Variants in TOGARAM1 observed in about 807,000 individuals in gnomAD.
TOGARAM1 encodes TOG array regulator of axonemal microtubules protein 1.
Under a neutral mutation model 166.6 loss-of-function variants are expected in TOGARAM1, and 100 were observed. The observed-to-expected ratio is 0.60, with a 90% CI of 0.51 to 0.71. The LOEUF (loss-of-function observed/expected upper bound fraction) is 0.71. Among genes scored for constraint, TOGARAM1 ranks in the 30% least tolerant of loss-of-function variants. The pLI is 0.00. For missense variants in TOGARAM1, 2,029 were observed against 2,102.7 expected, an observed-to-expected ratio of 0.96 and a Z score of 0.69; for synonymous variants, 758 against 763.8, an observed-to-expected ratio of 0.99 and a Z score of 0.13.
chr14:45,036,834 T>C (rs540210794), intron 11 of TOGARAM1, among the ~76,000 whole-genome samples: 7 of 152,352 alleles, frequency 4.6e-5, no homozygotes. Flanking sequence ...TTCATGCTGC[T>C]GATAAAGACA....
At chr14:44,975,275 A>G (rs1485160130) in intron 1 of TOGARAM1, among the ~76,000 whole-genome samples, 1 of 152,202 alleles carries the variant, frequency 6.6e-6, no homozygotes, top group East Asian at 1.9e-4. Flanking sequence ...TAAACATAAT[A>G]TAAAAATAAA....
At chr14:45,038,442 C>T (rs574639124) in intron 11 of TOGARAM1, among the ~76,000 whole-genome samples, 21 of 152,348 alleles carry the variant, frequency 1.4e-4, no homozygotes, top group African/African-American at 4.6e-4. Context: ...GGGGTCCGGC[C>T]ACTGCACACA....
In TOGARAM1 at chr14:44,962,371, C is replaced by G. The variant is rs758951191; in HGVS notation, c.-51C>G. 16 of 1,501,272 alleles carry G rather than the reference C, an allele frequency of 1.1e-5. No individual in the cohort carries two copies. The highest frequency in any genetic ancestry group is 1.3e-5 in the South Asian group (1 of 74,206). 93.0% of individuals were successfully genotyped at this position (1,501,272 alleles called of 1,614,324 possible). On this transcript the variant is annotated 5_prime_UTR_variant, in exon 1 of 20. Coordinates refer to ENST00000361462, the MANE Select transcript of TOGARAM1 (RefSeq NM_001308120.2). ...CTGGAAGTCTGGGCTCCATCGAGCC[C>G]TTTGGAGACGGCAATGGTTTCTTCC...
In TOGARAM1 at chr14:45,005,992, T is replaced by G. The variant is rs781556927; in HGVS notation, c.2645-16T>G. On this transcript the variant is annotated splice_polypyrimidine_tract_variant and intron_variant, in intron 4 of 19. Coordinates refer to ENST00000361462, the MANE Select transcript of TOGARAM1 (RefSeq NM_001308120.2). Reference sequence around the variant, plus strand: ...AATTAGAAAAAGAAAAAGTAAAATATCTATTTTTCATGCAGGAGAAAATTC... The same window carrying G: ...AATTAGAAAAAGAAAAAGTAAAATAGCTATTTTTCATGCAGGAGAAAATTC... The G allele has an allele frequency of 6.5e-7, 1 of 1,528,668 alleles. No individual in the cohort carries two copies. The highest frequency in any genetic ancestry group is 2.2e-5 in the Admixed American group (1 of 46,048). 94.7% of individuals were successfully genotyped at this position (1,528,668 alleles called of 1,614,324 possible).
At chr14:45,049,268 C>CTT (rs1032278943) in intron 14 of TOGARAM1, among the ~76,000 whole-genome samples, 1 of 143,550 alleles carries the variant, frequency 7.0e-6, no homozygotes, top group Admixed American at 7.0e-5. Flanking sequence ...AAGCGCTCTG[C>CTT]TTTTTTTTTT....
At chr14:45,066,803 T>G in intron 17 of TOGARAM1, 36 bp downstream of exon 17, 2 of 1,564,094 alleles carry the variant, frequency 1.3e-6, no homozygotes, top group Non-Finnish European at 1.7e-6. Flanking sequence ...AATGTGGGTA[T>G]GGTGGCTCAC....
At chr14:45,036,693 AC>A (rs1412750572) in intron 11 of TOGARAM1, among the ~76,000 whole-genome samples, 1 of 152,230 alleles carries the variant, frequency 6.6e-6, no homozygotes, top group African/African-American at 2.4e-5. Context: ...TCAAAATACC[AC>A]TAGGCTGAAA....
chr14:45,019,407 G>A (rs1354884335), intron 7 of TOGARAM1, among the ~76,000 whole-genome samples: 1 of 151,506 alleles, frequency 6.6e-6, no homozygotes, highest in East Asian at 1.9e-4. Flanking sequence ...TCCATACTCA[G>A]AACCTTGATT....
In TOGARAM1 at chr14:45,073,334, A is replaced by C; in HGVS notation, c.5095A>C (p.Thr1699Pro). Residue 1699 changes from threonine (T) to proline (P), a missense_variant, in exon 20 of 20, where the codon ACA becomes CCA. This residue lies in a region of TOGARAM1 where 576 missense variants were observed against 670.5 expected (regional missense o/e 0.86). Coordinates refer to ENST00000361462, the MANE Select transcript of TOGARAM1 (RefSeq NM_001308120.2). ...TELYQRKPHA[T>P]EQKVLVVLWH... ...ACTTTATCAAAGGAAGCCGCATGCCACAGAGCAGAAAGTGTTGGTTGTTTT... is the reference window on the plus strand; with the variant it reads ...ACTTTATCAAAGGAAGCCGCATGCCCCAGAGCAGAAAGTGTTGGTTGTTTT... 1.2e-6 allele frequency: 2 copies of C among 1,614,192 alleles called. No homozygotes were observed. The highest frequency in any genetic ancestry group is 1.7e-6 in the Non-Finnish European group (2 of 1,180,020).
At chr14:44,975,395 T>C (rs759983191) in intron 1 of TOGARAM1, among the ~76,000 whole-genome samples, 1 of 152,328 alleles carries the variant, frequency 6.6e-6, no homozygotes, top group Non-Finnish European at 1.5e-5. Flanking sequence ...TGCATCTTGT[T>C]AAAGGACTTA....
intron 11 of TOGARAM1, 71 bp downstream of exon 11, chr14:45,032,447 C>T (rs192053325): frequency 1.5e-6 from 2 of 1,351,548 alleles, no homozygotes; most frequent in Non-Finnish European, 2.0e-6. Flanking sequence ...AATTAAAAAT[C>T]TTGAAACACA....
At chr14:45,001,514 G>C (rs916392951) in intron 3 of TOGARAM1, among the ~76,000 whole-genome samples, 5 of 152,064 alleles carry the variant, frequency 3.3e-5, no homozygotes, top group Admixed American at 6.6e-5. Context: ...ACTGTTGAGG[G>C]ATCAATAACC....
intron 1 of TOGARAM1, among the ~76,000 whole-genome samples, chr14:44,965,978 G>A (rs1320692347): frequency 2.0e-5 from 3 of 147,400 alleles, no homozygotes; most frequent in Middle Eastern, 3.6e-3. Flanking sequence ...AGGGTCAAAC[G>A]ATTCTCCCAC....
Position 44,962,431 on chromosome 14 carries a change from G to GC in TOGARAM1, c.15dup (p.Ser6LeufsTer30). 6.4e-7 allele frequency: 1 copy of GC among 1,561,158 alleles called. No homozygotes were observed. Among genetic ancestry groups the GC allele is most frequent in the Non-Finnish European group, 8.7e-7 (1 of 1,155,512 alleles). ...CACCTGACAACCCTGCATGGCGGCT[G>GC]CCCCCTCCGCGCTGCTTCTGCTGCC... On this transcript the variant is annotated frameshift_variant, in exon 1 of 20. Coordinates refer to ENST00000361462, the MANE Select transcript of TOGARAM1 (RefSeq NM_001308120.2). LOFTEE classifies it high-confidence loss of function.
chr14:45,051,243 G>A (rs764973181), intron 14 of TOGARAM1, among the ~76,000 whole-genome samples: 2 of 152,160 alleles, frequency 1.3e-5, no homozygotes, highest in Non-Finnish European at 2.9e-5. Flanking sequence ...AGGTAGTAAA[G>A]AATAGGATTC....
In TOGARAM1 at chr14:45,043,333, A is replaced by G. The variant is rs563039047; in HGVS notation, c.3813-353A>G. 2.1e-4 allele frequency among the ~76,000 whole-genome samples: 32 copies of G among 152,194 alleles called. 1 individual carries two copies. The East Asian group carries it at 6.0e-3, about 29-fold the overall frequency. ...GCTGGGATTACAGGTGTCCACCACC[A>G]TGCCCAGCTGATTTTTGTATTTTCA... On this transcript the variant is annotated intron_variant, in intron 11 of 19. Transcript: ENST00000361462.
chr14:44,962,284 G>A lies in TOGARAM1; in HGVS notation c.-138G>A, dbSNP rs367734635. On this transcript the variant is annotated 5_prime_UTR_variant, in exon 1 of 20. Transcript: ENST00000361462. ...GAGGCTGCCTCCCGGAGTTGGGGGC[G>A]GCCTGGCGGCAGGCTGAAGCTGTTC... The A allele has an allele frequency of 7.6e-5, 84 of 1,098,210 alleles. No individual in the cohort carries two copies. The East Asian group carries it at 2.0e-3, about 26-fold the overall frequency. 68.0% of individuals were successfully genotyped at this position (1,098,210 alleles called of 1,614,324 possible). A position where few individuals can be genotyped will look rare whatever the true frequency, so the allele number is the denominator to read the frequency against.
intron 1 of TOGARAM1, among the ~76,000 whole-genome samples, chr14:44,969,658 T>C (rs998348213): frequency 8.5e-5 from 13 of 152,222 alleles, no homozygotes; most frequent in Non-Finnish European, 1.9e-4. Context: ...CTATGTTATC[T>C]TCTAGGCATT....
chr14:45,025,268 C>T (rs1345717133), intron 7 of TOGARAM1, among the ~76,000 whole-genome samples: 1 of 151,898 alleles, frequency 6.6e-6, no homozygotes, highest in African/African-American at 2.4e-5. Context: ...ATGTAAACTC[C>T]TTAAGGAAAG....
Sources: allele counts gnomAD v4.1 joint callset (sites outside exome capture counted in the v4.1 genomes callset), GRCh38; gene constraint gnomAD v4.1.1; regional missense constraint gnomAD v4.1.1; transcripts MANE v1.5; gene names NCBI Gene and HGNC (gene_info 2026-07-23, HGNC 2026-07-21).